Variants in RORA observed in about 807,000 individuals in gnomAD.
RORA encodes RAR related orphan receptor A.
In RORA, 7 loss-of-function variants were observed where a neutral mutation model predicts 69.5. That is an observed-to-expected ratio of 0.10 (90% confidence interval 0.06 to 0.19). The LOEUF (loss-of-function observed/expected upper bound fraction) is 0.19. Among genes scored for constraint, RORA ranks in the 10% least tolerant of loss-of-function variants. The pLI is 1.00. For synonymous variants in RORA, 261 were observed against 240.8 expected, an observed-to-expected ratio of 1.08 and a Z score of -0.78; for missense variants, 457 against 663.0, an observed-to-expected ratio of 0.69 and a Z score of 3.41.
chr15:60,890,431 T>G (rs1472571584), intron 1 of RORA, among the ~76,000 whole-genome samples: 1 of 152,196 alleles, frequency 6.6e-6, no homozygotes, highest in Non-Finnish European at 1.5e-5. Context: ...GTACCGCTTG[T>G]CCACACCATC....
At chr15:60,979,287 TTTTTC>T (rs1462951433) in intron 1 of RORA, among the ~76,000 whole-genome samples, 6 of 134,190 alleles carry the variant, frequency 4.5e-5, no homozygotes, top group Admixed American at 2.1e-4. Context: ...TTTTTTTTTT[TTTTTC>T]CAAGAATATT....
At chr15:61,180,703 C>T (rs2079676243) in intron 1 of RORA, among the ~76,000 whole-genome samples, 1 of 152,190 alleles carries the variant, frequency 6.6e-6, no homozygotes, top group Admixed American at 6.5e-5. Flanking sequence ...TGCTGTCTTC[C>T]TTACTAGACC....
At chr15:61,179,043 G>C (rs535180908) in intron 1 of RORA, among the ~76,000 whole-genome samples, 1 of 152,270 alleles carries the variant, frequency 6.6e-6, no homozygotes, top group African/African-American at 2.4e-5. Context: ...TCACATGAAG[G>C]ATGCGTGATC....
At chr15:60,620,882 C>G (rs374291821) in intron 2 of RORA, among the ~76,000 whole-genome samples, 1 of 152,208 alleles carries the variant, frequency 6.6e-6, no homozygotes, top group Non-Finnish European at 1.5e-5. Flanking sequence ...AGAGCCGGCA[C>G]GGAAAGTTAC....
At chr15:61,020,981 C>A (rs139520382) in intron 1 of RORA, among the ~76,000 whole-genome samples, 1 of 152,148 alleles carries the variant, frequency 6.6e-6, no homozygotes, top group African/African-American at 2.4e-5. Context: ...TTCCACATAA[C>A]GTGAATTCTG....
intron 1 of RORA, among the ~76,000 whole-genome samples, chr15:60,948,912 G>A (rs1042068941): frequency 2.0e-5 from 3 of 152,232 alleles, no homozygotes; most frequent in African/African-American, 7.2e-5. Context: ...ATCAATGGAA[G>A]CTGGAATTGT....
intron 1 of RORA, among the ~76,000 whole-genome samples, chr15:61,040,176 A>T (rs1261606180): frequency 7.6e-6 from 1 of 132,316 alleles, no homozygotes; most frequent in Non-Finnish European, 1.6e-5. Flanking sequence ...AATATATGAA[A>T]TATACATTAT....
At chr15:61,222,495 A>G (rs530339782) in intron 1 of RORA, among the ~76,000 whole-genome samples, 1 of 152,210 alleles carries the variant, frequency 6.6e-6, no homozygotes, top group African/African-American at 2.4e-5. Context: ...TTTATTCCTC[A>G]TCATGCCCCA....
At chr15:60,820,168 A>G (rs904098628) in intron 1 of RORA, among the ~76,000 whole-genome samples, 1 of 152,104 alleles carries the variant, frequency 6.6e-6, no homozygotes, top group African/African-American at 2.4e-5. Context: ...AGGACGCTGC[A>G]CTCCACCTCC....
At chr15:61,037,854 G>C (rs531754630) in intron 1 of RORA, among the ~76,000 whole-genome samples, 2 of 152,234 alleles carry the variant, frequency 1.3e-5, no homozygotes, top group Admixed American at 6.5e-5. Context: ...AACTCTGATG[G>C]GGGCAGTCAG....
rs34291851 is a variant in RORA, at chr15:61,198,675, CA to C, written c.166+30377del. On this transcript the variant is annotated intron_variant, in intron 1 of 10. Coordinates refer to ENST00000335670, the MANE Select transcript of RORA (RefSeq NM_134261.3). The stretch of plus-strand genomic sequence containing the variant: ...AGCTTTGGCCTGCATTATATTCTCT[CA>C]AAAAAAAAAAAAAAGACAACTACTA... Among the ~76,000 whole-genome samples, 663 of 139,458 alleles carry C rather than the reference CA, an allele frequency of 4.8e-3. 3 individuals carry two copies. Among genetic ancestry groups the C allele is most frequent in the Middle Eastern group, 0.011 (3 of 262 alleles). 91.5% of individuals were successfully genotyped at this position (139,458 alleles called of 152,430 possible). A position where few individuals can be genotyped will look rare whatever the true frequency, so the allele number is the denominator to read the frequency against.
At chr15:60,796,269 C>T (rs567264198) in intron 1 of RORA, among the ~76,000 whole-genome samples, 7 of 152,090 alleles carry the variant, frequency 4.6e-5, no homozygotes, top group Non-Finnish European at 2.9e-5. Context: ...AAGAGCTTCC[C>T]CATGCACACG....
At chr15:61,140,322 T>G (rs960077792) in intron 1 of RORA, among the ~76,000 whole-genome samples, 10 of 152,204 alleles carry the variant, frequency 6.6e-5, no homozygotes, top group African/African-American at 2.4e-4. Flanking sequence ...GTTAAGGAAT[T>G]ATGTTGCCTG....
At chr15:61,069,586 T>G (rs973603310) in intron 1 of RORA, among the ~76,000 whole-genome samples, 1 of 152,160 alleles carries the variant, frequency 6.6e-6, no homozygotes, top group Non-Finnish European at 1.5e-5. Context: ...AAGTGTCATC[T>G]GAAACCAATT....
chr15:60,638,828 C>T (rs953276922), intron 2 of RORA, among the ~76,000 whole-genome samples: 5 of 152,022 alleles, frequency 3.3e-5, no homozygotes, highest in African/African-American at 4.8e-5. Flanking sequence ...TTTTTCCCTG[C>T]ACCTTCCCTT....
At position 60,511,309 on chromosome 15, in the gene RORA, T is replaced by C; in HGVS notation, c.737A>G (p.Asp246Gly). ...INGIKPEPIC[D>G]YTPASGFFPY... ...AAAGAAGCCTGATGCTGGTGTGTAG[T>C]CACATATTGGTTCTGGTTTGATTCC... The change falls in exon 5 of 11, where the codon GAC (aspartate) becomes GGC (glycine). Residue 246 changes from aspartate (D) to glycine (G), a missense_variant. Physicochemically the swap from Asp to Gly is moderately conservative, Grantham distance 94. Transcript: ENST00000335670. This position sits in a 1 kb window ranked among gnomAD's most constrained non-coding sequence, Gnocchi z 6.4. 6.2e-7 allele frequency: 1 copy of C among 1,614,102 alleles called. No individual in the cohort carries two copies. The highest frequency in any genetic ancestry group is 8.5e-7 in the Non-Finnish European group (1 of 1,180,010).
intron 1 of RORA, among the ~76,000 whole-genome samples, chr15:60,827,897 G>C (rs1196425309): frequency 6.6e-6 from 1 of 152,220 alleles, no homozygotes; most frequent in African/African-American, 2.4e-5. Context: ...ATGTTTTATA[G>C]ACAGCCAGGT....
chr15:60,653,368 G>A lies in RORA; in HGVS notation c.196+25289C>T, dbSNP rs138074691. Reference sequence around the variant, plus strand: ...GTTCAGGTCATGAAGCAAATCAGAAGTACAAACCAGTGTCTTCTGTTTGGC... The same window carrying A: ...GTTCAGGTCATGAAGCAAATCAGAAATACAAACCAGTGTCTTCTGTTTGGC... On this transcript the variant is annotated intron_variant, in intron 2 of 10. Transcript: ENST00000335670. Among the ~76,000 whole-genome samples, 61 of 151,796 alleles carry A rather than the reference G, an allele frequency of 4.0e-4. No homozygotes were observed. The East Asian group carries it at 7.2e-3, about 18-fold the overall frequency.
intron 1 of RORA, among the ~76,000 whole-genome samples, chr15:61,204,750 T>C (rs1430994662): frequency 6.6e-6 from 1 of 152,226 alleles, no homozygotes; most frequent in Non-Finnish European, 1.5e-5. Flanking sequence ...GACATGCAGC[T>C]TTCAGACTTC....
Sources: allele counts gnomAD v4.1 joint callset (sites outside exome capture counted in the v4.1 genomes callset), GRCh38; gene constraint gnomAD v4.1.1; non-coding constraint Gnocchi (gnomAD v3.1); transcripts MANE v1.5; gene names NCBI Gene and HGNC (gene_info 2026-07-23, HGNC 2026-07-21).